Variants in FBN3 observed in about 807,000 individuals in gnomAD.
FBN3 encodes the protein fibrillin 3.
FBN3 carries 234 observed loss-of-function variants against 330.1 expected under a neutral mutation model. The ratio of observed to expected loss-of-function variants is 0.71; its 90% confidence interval spans 0.64 to 0.79. FBN3 has a LOEUF of 0.79. FBN3 is among the 30% of genes least tolerant of loss of function. FBN3 has a pLI of 0.00. For missense variants in FBN3, 3,606 were observed against 3,886.9 expected (o/e 0.93, Z 1.92); for synonymous variants, 1,458 against 1,517.3 (o/e 0.96, Z 0.91).
chr19:8,114,406 C>A (rs968246102), intron 30 of FBN3, among the ~76,000 whole-genome samples: 6 of 151,948 alleles, frequency 3.9e-5, no homozygotes, highest in African/African-American at 1.5e-4. Flanking sequence ...TGCGCCACCA[C>A]GCCCAGCTAA....
intron 16 of FBN3, among the ~76,000 whole-genome samples, chr19:8,130,468 G>A (rs541528175): frequency 6.4e-5 from 9 of 140,366 alleles, no homozygotes; most frequent in Admixed American, 5.2e-4. Context: ...CCAAGATCAC[G>A]CCACTGCACT....
At position 8,080,993 on chromosome 19, in the gene FBN3, G is replaced by A. The variant is rs527906328; in HGVS notation, c.7453+10C>T. On this transcript the variant is annotated intron_variant, in intron 59 of 63. Transcript: ENST00000600128. ...GGGTCACCTCCCGGTGAGGGGCAAG[G>A]GTCACTCACCGAAGCAGGCCTGGTG... The A allele has an allele frequency of 5.1e-6, 8 of 1,579,304 alleles. No homozygotes were observed. In the African/African-American group the frequency reaches 9.4e-5, roughly 19 times the overall value.
At chr19:8,091,103 G>A (rs1457474665) in intron 48 of FBN3, among the ~76,000 whole-genome samples, 2 of 152,222 alleles carry the variant, frequency 1.3e-5, no homozygotes, top group African/African-American at 4.8e-5. Context: ...CAAGCTGGGT[G>A]AGGTTAGCCC....
intron 18 of FBN3, among the ~76,000 whole-genome samples, chr19:8,127,081 A>G (rs2083013337): frequency 7.4e-6 from 1 of 134,868 alleles, no homozygotes; most frequent in Non-Finnish European, 1.6e-5. Flanking sequence ...TTTTTGAGAC[A>G]GAGTCTCGCT....
intron 23 of FBN3, 80 bp from the exon 24 acceptor site, chr19:8,123,669 G>A: frequency 6.3e-7 from 1 of 1,599,738 alleles, no homozygotes; most frequent in African/African-American, 1.3e-5. Context: ...GGTTCTTAGT[G>A]CCTCGCCTTA....
chr19:8,073,015 G>GAGA, intron 62 of FBN3, 48 bp downstream of exon 62: 1 of 1,215,042 alleles, frequency 8.2e-7, no homozygotes, highest in Non-Finnish European at 1.2e-6. Context: ...GTGCGTGCAT[G>GAGA]GACGCTTGCG....
At chr19:8,114,421 G>A (rs1377880307) in intron 30 of FBN3, among the ~76,000 whole-genome samples, 1 of 151,992 alleles carries the variant, frequency 6.6e-6, no homozygotes, top group Non-Finnish European at 1.5e-5. Flanking sequence ...AGCTAATTTT[G>A]TATTTTTAGT....
intron 26 of FBN3, 101 bp downstream of exon 26, chr19:8,118,796 T>C (rs1021357121): frequency 7.0e-7 from 1 of 1,430,900 alleles, no homozygotes; most frequent in Non-Finnish European, 9.7e-7. Context: ...CAGATACACA[T>C]GCCCACCCTC....
At chr19:8,144,847 GT>G in intron 6 of FBN3, 29 bp downstream of exon 6, 1 of 1,549,040 alleles carries the variant, frequency 6.5e-7, no homozygotes. Flanking sequence ...CGAGTCCCCT[GT>G]CTACCTCCCA....
intron 63 of FBN3, among the ~76,000 whole-genome samples, 175 bp downstream of exon 63, chr19:8,071,873 G>A (rs917846505): frequency 1.3e-5 from 2 of 152,116 alleles, no homozygotes; most frequent in African/African-American, 4.8e-5. Flanking sequence ...AAAATCCCAG[G>A]GCTGAGAAAG....
At chr19:8,100,792 G>C in intron 41 of FBN3, 109 bp downstream of exon 41, 1 of 803,330 alleles carries the variant, frequency 1.2e-6, no homozygotes, top group Non-Finnish European at 2.2e-6. Context: ...GAGGAGGGGA[G>C]GATGGAGGAG....
intron 40 of FBN3, among the ~76,000 whole-genome samples, chr19:8,101,331 T>C (rs1262107059): frequency 6.6e-6 from 1 of 152,108 alleles, no homozygotes; most frequent in Non-Finnish European, 1.5e-5. Flanking sequence ...GCAGCAGCTC[T>C]GGGGAATGAA....
At position 8,132,979 on chromosome 19, in the gene FBN3, C is replaced by T. The variant is rs759763693; in HGVS notation, c.1714+5G>A. ...CTCCGCTGGCCAGTCTGGCTCCAGG[C>T]TCACCCATGCAGTAGTGGCCGCCAG... is the stretch of plus-strand genomic sequence containing the variant. On this transcript the variant is annotated splice_donor_5th_base_variant and intron_variant, in intron 14 of 63. Coordinates refer to ENST00000600128, the MANE Select transcript of FBN3 (RefSeq NM_032447.5). 2.6e-5 allele frequency: 40 copies of T among 1,549,892 alleles called. No individual in the cohort carries two copies. The highest frequency in any genetic ancestry group is 3.5e-5 in the Non-Finnish European group (40 of 1,151,176).
intron 6 of FBN3, among the ~76,000 whole-genome samples, chr19:8,142,569 T>A (rs961998691): frequency 6.6e-6 from 1 of 151,944 alleles, no homozygotes; most frequent in Non-Finnish European, 1.5e-5. Flanking sequence ...CTGCCTAAAT[T>A]CTCTGGACCC....
Position 8,121,295 on chromosome 19 carries a change from G to GCCGGGAAAACACTCGCACTCAAAGCTGC in FBN3, c.3146_3173dup (p.Tyr1059GlnfsTer3), listed in dbSNP as rs1165564594. The GCCGGGAAAACACTCGCACTCAAAGCTGC allele has an allele frequency of 5.6e-6, 9 of 1,612,758 alleles. No homozygotes were observed. The African/African-American group carries it at 1.1e-4, about 19-fold the overall frequency. On this transcript the variant is annotated stop_gained and frameshift_variant, in exon 25 of 64. Transcript: ENST00000600128. LOFTEE classifies it high-confidence loss of function. This position sits in a 1 kb window ranked among gnomAD's most constrained non-coding sequence, Gnocchi z 4.5. ...TCATCAGCATGAAGCCACTCTCGTAGCCGGGAAAACACTCGCACTCAAAGC... is the reference window on the plus strand; with the variant it reads ...TCATCAGCATGAAGCCACTCTCGTAGCCGGGAAAACACTCGCACTCAAAGCTGCCCGGGAAAACACTCGCACTCAAAGC...
Position 8,065,706 on chromosome 19 carries a change from T to C in FBN3, c.*213A>G, listed in dbSNP as rs565170361. 1.3e-5 allele frequency: 7 copies of C among 549,750 alleles called. No individual in the cohort carries two copies. Among genetic ancestry groups the C allele is most frequent in the Admixed American group, 6.9e-5 (2 of 29,078 alleles). 34.1% of individuals were successfully genotyped at this position (549,750 alleles called of 1,614,324 possible). ...GGGATTGCACATTGCAGCTTCTTGC[T>C]GTCTCCAGGAAAGACTGAGTAACTG... On this transcript the variant is annotated 3_prime_UTR_variant, in exon 64 of 64. Coordinates refer to ENST00000600128, the MANE Select transcript of FBN3 (RefSeq NM_032447.5).
intron 41 of FBN3, among the ~76,000 whole-genome samples, chr19:8,100,590 G>A (rs149624775): frequency 1.3e-5 from 2 of 152,066 alleles, no homozygotes; most frequent in Non-Finnish European, 2.9e-5. Context: ...CACCCACCTC[G>A]GCCTCCCAAA....
chr19:8,135,936 G>GTCCACCCCCCCCCCC, intron 13 of FBN3, 25 bp downstream of exon 13: 1 of 668,778 alleles, frequency 1.5e-6, no homozygotes. Context: ...GGAAGCCCCT[G>GTCCACCCCCCCCCCC]CCCACCCGCC....
At chr19:8,146,311 C>A in intron 3 of FBN3, 86 bp from the exon 4 acceptor site, 1 of 1,082,162 alleles carries the variant, frequency 9.2e-7, no homozygotes, top group Non-Finnish European at 1.4e-6. Context: ...GGCCGGAACA[C>A]CTCAGTGGAC....
Sources: gnomAD v4.1 joint callset for allele counts (sites outside exome capture counted in the v4.1 genomes callset) on GRCh38, gnomAD v4.1.1 for gene constraint, Gnocchi (gnomAD v3.1) non-coding constraint, MANE v1.5 for transcripts, NCBI Gene and HGNC (gene_info 2026-07-23, HGNC 2026-07-21) for gene names.